Variants in ROBO1 observed in about 807,000 individuals in gnomAD.
The protein encoded by ROBO1 is roundabout guidance receptor 1.
A neutral mutation model predicts 195.9 loss-of-function variants in ROBO1; 149 were observed. That is an observed-to-expected ratio of 0.76 (90% CI 0.67 to 0.87). The LOEUF (loss-of-function observed/expected upper bound fraction) is 0.87, where lower values mean the gene tolerates loss of function less well. ROBO1 is among the 40% of genes least tolerant of loss of function. The pLI, the probability that ROBO1 is intolerant of heterozygous loss-of-function variation, is 0.00. For missense variants in ROBO1, 1,933 were observed against 2,068.3 expected (o/e 0.93, Z 1.27); for synonymous variants, 816 against 733.2 (o/e 1.11, Z -1.82).
At chr3:79,162,937 C>T (rs1331785711) in intron 2 of ROBO1, among the ~76,000 whole-genome samples, 2 of 152,058 alleles carry the variant, frequency 1.3e-5, no homozygotes, top group African/African-American at 4.8e-5. Context: ...ATTGGTAATT[C>T]CGAGCCCTTT....
intron 4 of ROBO1, among the ~76,000 whole-genome samples, chr3:78,754,344 TA>T: frequency 6.6e-6 from 1 of 152,186 alleles, no homozygotes; most frequent in East Asian, 1.9e-4. Context: ...CTGGCAGGGT[TA>T]AAAAAACACA....
chr3:79,758,717 G>T (rs56141367), intron 1 of ROBO1, among the ~76,000 whole-genome samples: 47,860 of 151,966 alleles, frequency 0.31, 7,661 homozygotes, highest in East Asian at 0.37. Context: ...GGAGGGTAAA[G>T]TGTACCTTGT....
At chr3:78,744,389 C>T (rs1369050713) in intron 5 of ROBO1, among the ~76,000 whole-genome samples, 7 of 152,216 alleles carry the variant, frequency 4.6e-5, no homozygotes, top group Non-Finnish European at 1.0e-4. Flanking sequence ...CTCCCTGCCT[C>T]TACCATTGCC....
chr3:78,692,705 C>T (rs916955636), intron 8 of ROBO1, among the ~76,000 whole-genome samples: 1 of 152,264 alleles, frequency 6.6e-6, no homozygotes, highest in South Asian at 2.1e-4. Flanking sequence ...AATGATTGGA[C>T]CTTCCTCCAA....
At chr3:79,630,727 AAAACT>A (rs1945313938) in intron 1 of ROBO1, among the ~76,000 whole-genome samples, 1 of 152,052 alleles carries the variant, frequency 6.6e-6, no homozygotes, top group Non-Finnish European at 1.5e-5. Flanking sequence ...TTATAACCAG[AAAACT>A]AAATACTCCA....
intron 3 of ROBO1, among the ~76,000 whole-genome samples, chr3:79,119,082 T>C (rs2080067518): frequency 6.6e-6 from 1 of 152,156 alleles, no homozygotes; most frequent in East Asian, 1.9e-4. Flanking sequence ...TATCTACATA[T>C]ATATTTGTTC....
intron 3 of ROBO1, among the ~76,000 whole-genome samples, chr3:79,121,714 T>C (rs985820646): frequency 3.3e-5 from 5 of 152,030 alleles, no homozygotes. Context: ...CCTGTGGAGA[T>C]GGAAGACATT....
At chr3:78,654,652 A>T (rs370855933) in intron 18 of ROBO1, among the ~76,000 whole-genome samples, 1 of 152,198 alleles carries the variant, frequency 6.6e-6, no homozygotes, top group African/African-American at 2.4e-5. Context: ...ATGAATTAAA[A>T]CAGCCACTCG....
At chr3:79,443,892 A>G (rs1486663091) in intron 2 of ROBO1, among the ~76,000 whole-genome samples, 1 of 152,070 alleles carries the variant, frequency 6.6e-6, no homozygotes, top group East Asian at 1.9e-4. Context: ...CATATATGGA[A>G]TCTTGACAGT....
intron 2 of ROBO1, among the ~76,000 whole-genome samples, chr3:79,362,051 T>C (rs1577022169): frequency 6.6e-6 from 1 of 152,154 alleles, no homozygotes; most frequent in Admixed American, 6.5e-5. Context: ...ATACGGTAGA[T>C]ATGAATTTTA....
intron 4 of ROBO1, among the ~76,000 whole-genome samples, chr3:78,921,932 G>C (rs542982331): frequency 4.0e-5 from 6 of 151,756 alleles, no homozygotes; most frequent in Non-Finnish European, 8.8e-5. Flanking sequence ...AACTACTGGC[G>C]TGCACCACCA....
chr3:78,896,658 C>CAAAAAAAA (rs142287501), intron 4 of ROBO1, among the ~76,000 whole-genome samples: 33 of 65,870 alleles, frequency 5.0e-4, no homozygotes, highest in African/African-American at 1.2e-3. Flanking sequence ...TTGTTGCTCA[C>CAAAAAAAA]AAAAAAAAAA....
chr3:78,925,513 T>A (rs992666615), intron 4 of ROBO1, among the ~76,000 whole-genome samples: 4 of 152,226 alleles, frequency 2.6e-5, no homozygotes, highest in Non-Finnish European at 2.9e-5. Flanking sequence ...ATCACTCATT[T>A]CCACTGTGGG....
At chr3:79,592,994 AC>A (rs1944053946) in intron 1 of ROBO1, among the ~76,000 whole-genome samples, 1 of 152,058 alleles carries the variant, frequency 6.6e-6, no homozygotes, top group Non-Finnish European at 1.5e-5. Context: ...CATAGAGTAT[AC>A]AGCCTTTTAA....
At chr3:79,020,556 G>A (rs1405066808) in intron 3 of ROBO1, among the ~76,000 whole-genome samples, 1 of 152,156 alleles carries the variant, frequency 6.6e-6, no homozygotes, top group African/African-American at 2.4e-5. Flanking sequence ...GCCGGGCGTG[G>A]TGGCGTTCGC....
At chr3:78,684,293 T>C (rs938122345) in intron 10 of ROBO1, among the ~76,000 whole-genome samples, 7 of 152,180 alleles carry the variant, frequency 4.6e-5, no homozygotes, top group Admixed American at 3.3e-4. Context: ...GTCTATCTAC[T>C]GTATGATTTC....
chr3:79,525,017 T>G (rs140909354), intron 2 of ROBO1, among the ~76,000 whole-genome samples: 48 of 151,924 alleles, frequency 3.2e-4, no homozygotes, highest in African/African-American at 1.0e-3. Context: ...TTCAGACATA[T>G]CTATTAAATA....
At chr3:79,233,996 A>G (rs2082363889) in intron 2 of ROBO1, among the ~76,000 whole-genome samples, 1 of 151,970 alleles carries the variant, frequency 6.6e-6, no homozygotes. Flanking sequence ...TTCTTTGAGA[A>G]GTATAAGTTC....
At chr3:78,606,136 A>G (rs1703446838) in intron 29 of ROBO1, among the ~76,000 whole-genome samples, 1 of 152,192 alleles carries the variant, frequency 6.6e-6, no homozygotes, top group African/African-American at 2.4e-5. Context: ...TGCCCTTGTT[A>G]TAAATCTCAA....
Sources: allele counts gnomAD v4.1 joint callset (sites outside exome capture counted in the v4.1 genomes callset), GRCh38; gene constraint gnomAD v4.1.1; transcripts MANE v1.5; gene names NCBI Gene and HGNC (gene_info 2026-07-23, HGNC 2026-07-21).